Variants in KLHL1 observed in about 807,000 individuals in gnomAD.
KLHL1 encodes the protein kelch-like protein 1.
Under a neutral mutation model 77.7 loss-of-function variants are expected in KLHL1, and 47 were observed. The ratio of observed to expected loss-of-function variants is 0.60; its 90% CI spans 0.48 to 0.77. The LOEUF (loss-of-function observed/expected upper bound fraction) is 0.77, where lower values mean the gene tolerates loss of function less well. KLHL1 is among the 30% of genes least tolerant of loss of function. The probability of loss-of-function intolerance (pLI) is 0.00; values close to 1 mark genes in which losing one functional copy is unlikely to be tolerated. For synonymous variants in KLHL1, 360 were observed against 325.2 expected (o/e 1.11, Z -1.15); for missense variants, 925 against 910.8 (o/e 1.02, Z -0.20).
At chr13:69,923,523 C>T (rs182209512) in intron 4 of KLHL1, among the ~76,000 whole-genome samples, 108 of 152,194 alleles carry the variant, frequency 7.1e-4, no homozygotes, top group African/African-American at 2.5e-3. Context: ...TTTATTTATA[C>T]TTATTATTTT....
chr13:69,775,282 A>AT (rs1491129542), intron 7 of KLHL1, among the ~76,000 whole-genome samples: 2 of 152,124 alleles, frequency 1.3e-5, no homozygotes, highest in African/African-American at 4.8e-5. Flanking sequence ...GTCAATTGTC[A>AT]TAAAAAAAAG....
intron 1 of KLHL1, among the ~76,000 whole-genome samples, chr13:70,069,880 C>T (rs533055377): frequency 1.3e-5 from 2 of 151,516 alleles, no homozygotes; most frequent in South Asian, 4.2e-4. Flanking sequence ...GAGAAAGAAG[C>T]AGATGAGGCC....
chr13:69,982,476 T>TAATAATAA (rs1474122878), intron 1 of KLHL1, among the ~76,000 whole-genome samples: 2,567 of 135,442 alleles, frequency 0.019, 88 homozygotes, highest in African/African-American at 0.068. Flanking sequence ...ATAATAATAA[T>TAATAATAA]AATAAAATAA....
At chr13:69,785,218 C>T in intron 7 of KLHL1, among the ~76,000 whole-genome samples, 1 of 152,056 alleles carries the variant, frequency 6.6e-6, no homozygotes, top group Non-Finnish European at 1.5e-5. Context: ...TTCAGCACCA[C>T]ACCACACCTA....
At chr13:69,911,000 C>T (rs1364250391) in intron 4 of KLHL1, among the ~76,000 whole-genome samples, 1 of 152,050 alleles carries the variant, frequency 6.6e-6, no homozygotes, top group Non-Finnish European at 1.5e-5. Flanking sequence ...ATCAGCAATG[C>T]AAATACTTTG....
chr13:69,824,703 C>A (rs748064489), intron 6 of KLHL1, among the ~76,000 whole-genome samples: 1 of 151,920 alleles, frequency 6.6e-6, no homozygotes, highest in Admixed American at 6.6e-5. Flanking sequence ...GCAAAACTAA[C>A]GTAGGTTGAA....
intron 7 of KLHL1, among the ~76,000 whole-genome samples, chr13:69,748,182 CA>C (rs1942050413): frequency 6.6e-6 from 1 of 151,976 alleles, no homozygotes; most frequent in African/African-American, 2.4e-5. Flanking sequence ...GGCGACAGAG[CA>C]AAATGCAAAT....
At chr13:69,741,784 A>G (rs1873999743) in intron 7 of KLHL1, among the ~76,000 whole-genome samples, 1 of 152,196 alleles carries the variant, frequency 6.6e-6, no homozygotes, top group African/African-American at 2.4e-5. Flanking sequence ...TTCACAACCC[A>G]GGACTATCTT....
At chr13:69,816,239 A>G (rs1459093598) in intron 6 of KLHL1, among the ~76,000 whole-genome samples, 1 of 151,596 alleles carries the variant, frequency 6.6e-6, no homozygotes, top group Non-Finnish European at 1.5e-5. Flanking sequence ...TATATAGTAA[A>G]TTTAGAGAAT....
intron 4 of KLHL1, among the ~76,000 whole-genome samples, chr13:69,937,755 C>T (rs997980136): frequency 1.3e-5 from 2 of 152,074 alleles, no homozygotes; most frequent in African/African-American, 2.4e-5. Flanking sequence ...AATTCAGTAG[C>T]TGAAGCCAAA....
At chr13:69,856,174 G>A (rs538411099) in intron 5 of KLHL1, among the ~76,000 whole-genome samples, 1 of 151,794 alleles carries the variant, frequency 6.6e-6, no homozygotes, top group African/African-American at 2.4e-5. Flanking sequence ...GCAAAGGACA[G>A]ATTTGTTTAT....
intron 4 of KLHL1, among the ~76,000 whole-genome samples, chr13:69,932,036 C>T (rs578009339): frequency 3.3e-5 from 5 of 151,458 alleles, no homozygotes; most frequent in Admixed American, 3.3e-4. Context: ...ATTATGATAT[C>T]TAATTGTATA....
At chr13:70,073,634 G>C (rs536156352) in intron 1 of KLHL1, among the ~76,000 whole-genome samples, 52 of 151,936 alleles carry the variant, frequency 3.4e-4, no homozygotes, top group Non-Finnish European at 6.2e-4. Flanking sequence ...CTAAAAACCC[G>C]GGTGTGGTGG....
intron 2 of KLHL1, among the ~76,000 whole-genome samples, chr13:69,972,725 A>C (rs1884423267): frequency 6.6e-6 from 1 of 151,840 alleles, no homozygotes; most frequent in Admixed American, 6.6e-5. Context: ...AAATGCTCTT[A>C]CTCTTAATAA....
intron 1 of KLHL1, among the ~76,000 whole-genome samples, chr13:70,052,172 T>C (rs1377946714): frequency 6.6e-6 from 1 of 151,896 alleles, no homozygotes. Flanking sequence ...AATTGTTTGT[T>C]AATCAGAACC....
chr13:69,993,156 G>A (rs995364703), intron 1 of KLHL1, among the ~76,000 whole-genome samples: 16 of 152,126 alleles, frequency 1.1e-4, no homozygotes, highest in Middle Eastern at 6.8e-3. Flanking sequence ...ATAACACTAC[G>A]TTCTAGAGGC....
chr13:69,787,366 A>T (rs1267998787), intron 7 of KLHL1, among the ~76,000 whole-genome samples: 2 of 152,204 alleles, frequency 1.3e-5, no homozygotes, highest in Non-Finnish European at 2.9e-5. Context: ...CATGTCTACA[A>T]CCATCTGATC....
At chr13:69,721,948 T>A (rs1431922513) in intron 8 of KLHL1, among the ~76,000 whole-genome samples, 1 of 152,116 alleles carries the variant, frequency 6.6e-6, no homozygotes, top group East Asian at 1.9e-4. Context: ...AAGTTTTTAA[T>A]CATTCTAAAC....
chr13:69,955,239 T>G (rs1442252957), intron 3 of KLHL1, among the ~76,000 whole-genome samples: 1 of 151,418 alleles, frequency 6.6e-6, no homozygotes, highest in Non-Finnish European at 1.5e-5. Context: ...ATACACTTTT[T>G]AATATTAAAG....
Sources: gnomAD v4.1 joint callset for allele counts (sites outside exome capture counted in the v4.1 genomes callset) on GRCh38, gnomAD v4.1.1 for gene constraint, MANE v1.5 for transcripts, NCBI Gene and HGNC (gene_info 2026-07-23, HGNC 2026-07-21) for gene names.